Variants in ARHGAP17 observed in about 807,000 individuals in gnomAD.
ARHGAP17 encodes Rho GTPase activating protein 17.
In ARHGAP17, 57 loss-of-function variants were observed where a neutral mutation model predicts 99.5. The ratio of observed to expected loss-of-function variants is 0.57; its 90% CI spans 0.46 to 0.71. The LOEUF is 0.71. ARHGAP17 is among the 30% of genes least tolerant of loss of function. The pLI is 0.00. For synonymous variants in ARHGAP17, 417 were observed against 429.6 expected, an observed-to-expected ratio of 0.97 and a Z score of 0.36; for missense variants, 1,000 against 1,122.4, an observed-to-expected ratio of 0.89 and a Z score of 1.56.
At chr16:25,014,851 G>T (rs893858560) in intron 1 of ARHGAP17, among the ~76,000 whole-genome samples, 2 of 152,258 alleles carry the variant, frequency 1.3e-5, no homozygotes, top group African/African-American at 4.8e-5. Context: ...GCCCAGGGCA[G>T]CGATCCCAGC....
chr16:24,945,611 C>T (rs77466903), intron 14 of ARHGAP17, among the ~76,000 whole-genome samples: 2,146 of 152,262 alleles, frequency 0.014, 53 homozygotes, highest in African/African-American at 0.049. Context: ...CCTCTCTTCC[C>T]ATCAGAGTAT....
intron 15 of ARHGAP17, 83 bp from the exon 16 acceptor site, chr16:24,942,226 G>A (rs2051334132): frequency 2.1e-6 from 3 of 1,408,258 alleles, no homozygotes; most frequent in Non-Finnish European, 2.9e-6. Context: ...ATTGGAACGG[G>A]AACCTCGTTC....
Position 24,931,191 on chromosome 16 carries a change from C to T in ARHGAP17, c.2108G>A (p.Ser703Asn). 6.4e-7 allele frequency: 1 copy of T among 1,563,900 alleles called. No individual in the cohort carries two copies. Among genetic ancestry groups the T allele is most frequent in the Non-Finnish European group, 8.7e-7 (1 of 1,154,188 alleles). Reference protein sequence around the residue: ...SQLSAPRRYSSSLSPIQAPNH... With the variant: ...SQLSAPRRYSNSLSPIQAPNH... ...GGGAGCTTGGATTGGAGACAAGCTGCTGGAGTACCTCCGGGGTGCTGAGAG... is the reference window on the plus strand; with the variant it reads ...GGGAGCTTGGATTGGAGACAAGCTGTTGGAGTACCTCCGGGGTGCTGAGAG... The change falls in exon 19 of 20, where the codon AGC becomes AAC. Residue 703 changes from serine to asparagine, a missense_variant. This residue lies in a region of ARHGAP17 where 528 missense variants were observed against 511.4 expected (regional missense o/e 1.03). Coordinates refer to ENST00000289968, the MANE Select transcript of ARHGAP17 (RefSeq NM_001006634.3).
intron 9 of ARHGAP17, chr16:24,956,156 G>T (rs1194194301): frequency 6.6e-6 from 1 of 152,234 alleles, no homozygotes; most frequent in African/African-American, 2.4e-5. Flanking sequence ...CACCCAGGGG[G>T]GTTCTGCAAA....
intron 3 of ARHGAP17, among the ~76,000 whole-genome samples, chr16:24,975,483 CCAGTAGG>C (rs2052488346): frequency 6.6e-6 from 1 of 152,112 alleles, no homozygotes; most frequent in African/African-American, 2.4e-5. Context: ...GGAAGCAGAA[CCAGTAGG>C]CTGGGTCTGG....
At chr16:24,951,673 T>C (rs1226949323) in intron 12 of ARHGAP17, among the ~76,000 whole-genome samples, 1 of 152,164 alleles carries the variant, frequency 6.6e-6, no homozygotes, top group African/African-American at 2.4e-5. Flanking sequence ...AGTAAACAGA[T>C]TGTCTCCTCC....
intron 7 of ARHGAP17, among the ~76,000 whole-genome samples, chr16:24,963,433 AAC>A (rs199997788): frequency 0.023 from 3,567 of 152,336 alleles, 118 homozygotes; most frequent in African/African-American, 0.079. Flanking sequence ...ACTAAAATAT[AAC>A]AGTCTTAATA....
chr16:25,014,814 G>A (rs893836504), intron 1 of ARHGAP17, among the ~76,000 whole-genome samples: 2 of 152,222 alleles, frequency 1.3e-5, no homozygotes, highest in Non-Finnish European at 2.9e-5. Flanking sequence ...TCGGCACAGC[G>A]TTAGGGACAG....
At chr16:25,010,826 G>A (rs935171757) in intron 1 of ARHGAP17, among the ~76,000 whole-genome samples, 4 of 152,234 alleles carry the variant, frequency 2.6e-5, no homozygotes, top group Non-Finnish European at 5.9e-5. Flanking sequence ...CCTTCACATG[G>A]CCCAAAGCAC....
At chr16:24,959,010 G>GA (rs76133335) in intron 9 of ARHGAP17, among the ~76,000 whole-genome samples, 4,843 of 140,898 alleles carry the variant, frequency 0.034, 264 homozygotes, top group African/African-American at 0.12. Flanking sequence ...TTTAGGGAGA[G>GA]AAAAAAAAAA....
chr16:24,940,899 G>A (rs1301241485), intron 16 of ARHGAP17, among the ~76,000 whole-genome samples: 3 of 152,172 alleles, frequency 2.0e-5, no homozygotes, highest in African/African-American at 7.2e-5. Flanking sequence ...AGCTGGCAGG[G>A]AGAATACACA....
intron 1 of ARHGAP17, among the ~76,000 whole-genome samples, chr16:24,988,140 C>T (rs1315732049): frequency 6.6e-6 from 1 of 152,100 alleles, no homozygotes; most frequent in Non-Finnish European, 1.5e-5. Flanking sequence ...TGGAGGACTA[C>T]TGAATGAGTT....
chr16:24,982,992 A>ATTTT (rs1555467535), intron 1 of ARHGAP17, among the ~76,000 whole-genome samples: 1 of 28,764 alleles, frequency 3.5e-5, no homozygotes, highest in African/African-American at 1.5e-4. Flanking sequence ...ATATATATAT[A>ATTTT]TATATTTTTT....
chr16:24,931,025 T>TG lies in ARHGAP17; in HGVS notation c.2273dup (p.Thr759AsnfsTer25). 6.2e-7 allele frequency: 1 copy of TG among 1,608,770 alleles called. No homozygotes were observed. The highest frequency in any genetic ancestry group is 8.5e-7 in the Non-Finnish European group (1 of 1,177,856). ...CTAGGGGCGGAGTACTGGGGGGCGT[T>TG]GGAGTCTGGGGAGGGGTGTGAGATG... On this transcript the variant is annotated frameshift_variant, in exon 19 of 20. Transcript: ENST00000289968. LOFTEE classifies it high-confidence loss of function.
Position 24,983,927 on chromosome 16 carries a change from C to T in ARHGAP17, c.54-4922G>A, listed in dbSNP as rs1319756541. On this transcript the variant is annotated intron_variant, in intron 1 of 19. Transcript: ENST00000289968. Reference sequence around the variant, plus strand: ...TCTCAAAGCAGCAGTGCTGCCCAGGCCTTCATAGTGCCACTTTCCCTTGAC... The same window carrying T: ...TCTCAAAGCAGCAGTGCTGCCCAGGTCTTCATAGTGCCACTTTCCCTTGAC... Among the ~76,000 whole-genome samples the T allele has an allele frequency of 2.6e-5, 4 of 152,184 alleles. 1 individual carries two copies. The highest frequency in any genetic ancestry group is 2.0e-4 in the Admixed American group (3 of 15,288).
At chr16:24,970,388 C>T (rs578047791) in intron 4 of ARHGAP17, 119 bp downstream of exon 4, 8 of 952,130 alleles carry the variant, frequency 8.4e-6, no homozygotes, top group Admixed American at 3.9e-5. Flanking sequence ...GGTCTCCTAG[C>T]GGATGAGCCA....
intron 1 of ARHGAP17, among the ~76,000 whole-genome samples, chr16:25,004,503 T>G (rs759315971): frequency 9.9e-5 from 15 of 152,244 alleles, no homozygotes; most frequent in Non-Finnish European, 1.8e-4. Context: ...CCACGTGATA[T>G]CCAAGCTGCT....
intron 1 of ARHGAP17, 25 bp downstream of exon 1, chr16:25,015,184 C>A (rs768680218): frequency 7.7e-7 from 1 of 1,293,530 alleles, no homozygotes; most frequent in South Asian, 2.4e-5. Flanking sequence ...CCCGGTGCGA[C>A]CCCCGTGCTG....
At chr16:24,998,178 G>C (rs554105931) in intron 1 of ARHGAP17, among the ~76,000 whole-genome samples, 2 of 152,180 alleles carry the variant, frequency 1.3e-5, no homozygotes, top group Non-Finnish European at 1.5e-5. Context: ...GGGACGTCAG[G>C]GACAGGAAAG....
Sources: allele counts gnomAD v4.1 joint callset (sites outside exome capture counted in the v4.1 genomes callset), GRCh38; gene constraint gnomAD v4.1.1; regional missense constraint gnomAD v4.1.1; transcripts MANE v1.5; gene names NCBI Gene and HGNC (gene_info 2026-07-23, HGNC 2026-07-21).